NOLC1: variants seen among roughly 807,000 people sequenced by gnomAD.
NOLC1 encodes the protein 140 kDa nucleolar phosphoprotein.
Under a neutral mutation model 73.4 loss-of-function variants are expected in NOLC1, and 37 were observed. The observed-to-expected ratio is 0.50, with a 90% CI of 0.39 to 0.66. The LOEUF is 0.66. Ranked by LOEUF, NOLC1 falls within the 30% of genes least tolerant of loss-of-function variation. The probability of loss-of-function intolerance (pLI) is 0.00; values close to 1 mark genes in which losing one functional copy is unlikely to be tolerated. For synonymous variants in NOLC1, 327 were observed against 302.6 expected (o/e 1.08, Z -0.84); for missense variants, 921 against 838.9 (o/e 1.10, Z -1.21).
chr10:102,161,089 A>T lies in NOLC1; in HGVS notation c.1737A>T (p.Lys579Asn). Residue 579 changes from lysine to asparagine, a missense_variant, in exon 10 of 13, where the codon AAA (lysine) becomes AAT (asparagine). Transcript: ENST00000605788. ...AAAAGGCGGCAGTGGTAGTTTCCAA[A>T]TCAGGTCTGTACCCAATGAACATGC... ...EKKKAAVVVS[K>N]SGSLKKRKQN... 1 of 1,605,540 alleles carries T rather than the reference A, an allele frequency of 6.2e-7. No homozygotes were observed. Among genetic ancestry groups the T allele is most frequent in the South Asian group, 1.1e-5 (1 of 90,564 alleles).
rs546242557 is a variant in NOLC1, at chr10:102,161,901, T to G, written c.1917T>G (p.Val639=). ...AGGAAATTGAGGTGGATTCACGAGT[T>G]GCGGACAACTCCTTTGATGCCAAGG... is the stretch of plus-strand genomic sequence containing the variant. ...REEEIEVDSR[V]ADNSFDAKRG... The change falls in exon 12 of 13, where the codon GTT becomes GTG. Residue 639 remains valine (V), a synonymous_variant. Coordinates refer to ENST00000605788, the MANE Select transcript of NOLC1 (RefSeq NM_004741.5). 6 of 1,614,124 alleles carry G rather than the reference T, an allele frequency of 3.7e-6. 1 individual carries two copies. In the South Asian group the frequency reaches 6.6e-5, roughly 18 times the overall value.
In NOLC1 at chr10:102,162,424, T is replaced by C; in HGVS notation, c.*155T>C. On this transcript the variant is annotated 3_prime_UTR_variant, in exon 13 of 13. Transcript: ENST00000605788. ...CTTTACAGTGTAACATCCTCTCTGG[T>C]CCTTTTCTGTGTTCCTAGTTTTGTA... 1 of 648,380 alleles carries C rather than the reference T, an allele frequency of 1.5e-6. No homozygotes were observed. The highest frequency in any genetic ancestry group is 2.8e-5 in the East Asian group (1 of 35,388). The allele number at this position is 648,380 out of a possible 1,614,324, so 40.2% of individuals were successfully genotyped here. A position where few individuals can be genotyped will look rare whatever the true frequency, so the allele number is the denominator to read the frequency against.
Position 102,152,557 on chromosome 10 carries a change from C to T in NOLC1, c.120+27C>T, listed in dbSNP as rs375712357. 1.7e-5 allele frequency: 27 copies of T among 1,612,484 alleles called. 1 individual carries two copies. The African/African-American group carries it at 3.1e-4, about 18-fold the overall frequency. ...TGAGTTCCGGGCTTGGGGCGGGGAC[C>T]GGGCTGAGATGACCACAAGGCTTCA... On this transcript the variant is annotated intron_variant, in intron 1 of 12. Transcript: ENST00000605788.
chr10:102,152,886 G>T (rs965119776), intron 1 of NOLC1, among the ~76,000 whole-genome samples: 2 of 152,230 alleles, frequency 1.3e-5, no homozygotes, highest in African/African-American at 2.4e-5. Context: ...GGGGCTTTTC[G>T]TTGGGTGAGG....
In NOLC1 at chr10:102,152,390, G is replaced by A. The variant is rs755302816; in HGVS notation, c.-21G>A. On this transcript the variant is annotated 5_prime_UTR_variant, in exon 1 of 13. It adds an upstream start codon to the 5' untranslated region. Coordinates refer to ENST00000605788, the MANE Select transcript of NOLC1 (RefSeq NM_004741.5). Reference sequence around the variant, plus strand: ...GAGTCGTGCTGCGTCGACAACGGTAGTGACGCGTATTGCCTGGAGGATGGC... The same window carrying A: ...GAGTCGTGCTGCGTCGACAACGGTAATGACGCGTATTGCCTGGAGGATGGC... The A allele has an allele frequency of 2.5e-6, 4 of 1,606,600 alleles. No homozygotes were observed. The highest frequency in any genetic ancestry group is 3.4e-6 in the Non-Finnish European group (4 of 1,179,984).
Position 102,162,106 on chromosome 10 carries a change from A to G in NOLC1, c.1942-5A>G. 1 of 1,613,436 alleles carries G rather than the reference A, an allele frequency of 6.2e-7. No individual in the cohort carries two copies. The highest frequency in any genetic ancestry group is 8.5e-7 in the Non-Finnish European group (1 of 1,179,872). On this transcript the variant is annotated splice_region_variant and splice_polypyrimidine_tract_variant and intron_variant, in intron 12 of 12. Coordinates refer to ENST00000605788, the MANE Select transcript of NOLC1 (RefSeq NM_004741.5). ...TCTGTGTTAATCTCCCTCTCTACTT[A>G]CCAGCGAGGTGCAGCCGGAGACTGG...
chr10:102,156,948 A>G (rs1564967926), intron 1 of NOLC1, 71 bp from the exon 2 acceptor site: 5 of 1,427,398 alleles, frequency 3.5e-6, no homozygotes, highest in Non-Finnish European at 3.9e-6. Flanking sequence ...TTATGTATGT[A>G]ACAGGCCACA....
Position 102,161,006 on chromosome 10 carries a change from C to T in NOLC1, c.1654C>T (p.Leu552=). The T allele has an allele frequency of 1.2e-6, 2 of 1,614,018 alleles. No individual in the cohort carries two copies. Among genetic ancestry groups the T allele is most frequent in the Non-Finnish European group, 1.7e-6 (2 of 1,180,004 alleles). The change falls in exon 10 of 13, where the codon CTG becomes TTG. Residue 552 remains leucine (L), a synonymous_variant. Transcript: ENST00000605788. ...QAPKANGTSA[L]TAQNGKAAKN... ...CCCCAAGGCCAATGGCACCTCTGCA[C>T]TGACTGCCCAGAATGGAAAAGCAGC...
intron 1 of NOLC1, among the ~76,000 whole-genome samples, chr10:102,153,819 C>T (rs763541102): frequency 2.0e-5 from 3 of 151,242 alleles, no homozygotes; most frequent in South Asian, 2.1e-4. Flanking sequence ...ATTACAGGCG[C>T]GTACCACCAC....
intron 1 of NOLC1, among the ~76,000 whole-genome samples, chr10:102,154,186 C>G (rs2069552717): frequency 6.6e-6 from 1 of 150,982 alleles, no homozygotes; most frequent in African/African-American, 2.4e-5. Context: ...ATTCTCCTGC[C>G]TCAGCTTCCC....
Position 102,160,306 on chromosome 10 carries a change from A to G in NOLC1, c.1062A>G (p.Pro354=). The change falls in exon 9 of 13, where the codon CCA becomes CCG. Residue 354 remains proline, a synonymous_variant. Coordinates refer to ENST00000605788, the MANE Select transcript of NOLC1 (RefSeq NM_004741.5). ...CTAAAGCAACCACTAAACCACCTCC[A>G]GCAAAGAAAGCAGCAGAGAGCTCTT... The part of the protein sequence containing the change: ...VVSKATTKPP[P]AKKAAESSSD... 6 of 1,614,246 alleles carry G rather than the reference A, an allele frequency of 3.7e-6. No individual in the cohort carries two copies. The highest frequency in any genetic ancestry group is 1.6e-4 in the Middle Eastern group (1 of 6,062).
chr10:102,161,064 A>T lies in NOLC1; in HGVS notation c.1712A>T (p.Lys571Ile), dbSNP rs2069701199. ...AGTGAGGAGGAGGAAGAAGAAAAGAAAAAGGCGGCAGTGGTAGTTTCCAAA... is the reference window on the plus strand; with the variant it reads ...AGTGAGGAGGAGGAAGAAGAAAAGATAAAGGCGGCAGTGGTAGTTTCCAAA... ...KNSEEEEEEKKKAAVVVSKSG... is the reference protein window; with the variant it reads ...KNSEEEEEEKIKAAVVVSKSG... The change falls in exon 10 of 13, where the codon AAA (lysine) becomes ATA (isoleucine). Residue 571 changes from lysine to isoleucine, a missense_variant. By Grantham distance (102) the Lys-to-Ile change is moderately radical. Coordinates refer to ENST00000605788, the MANE Select transcript of NOLC1 (RefSeq NM_004741.5). The T allele has an allele frequency of 6.2e-7, 1 of 1,609,974 alleles. No individual in the cohort carries two copies. The highest frequency in any genetic ancestry group is 8.5e-7 in the Non-Finnish European group (1 of 1,179,232).
chr10:102,153,211 A>G (rs886137557), intron 1 of NOLC1, among the ~76,000 whole-genome samples: 3 of 152,208 alleles, frequency 2.0e-5, no homozygotes, highest in Admixed American at 6.5e-5. Flanking sequence ...GGATGTCATC[A>G]TCCACTTTAT....
Position 102,160,244 on chromosome 10 carries a change from G to A in NOLC1, c.1000G>A (p.Glu334Lys). The change falls in exon 9 of 13, where the codon GAA becomes AAA. Residue 334 changes from glutamate (E) to lysine (K), a missense_variant. Glu to Lys is a moderately conservative substitution (Grantham distance 56). Transcript: ENST00000605788. ...CAGGTTCTCCTCAGATTCAAGTTCT[G>A]AAGAAGAGAAGAAACCCCCAACTAA... Reference protein sequence around the residue: ...DSSDESDSSSEEEKKPPTKAV... With the variant: ...DSSDESDSSSKEEKKPPTKAV... 1 of 1,613,896 alleles carries A rather than the reference G, an allele frequency of 6.2e-7. No homozygotes were observed. The highest frequency in any genetic ancestry group is 8.5e-7 in the Non-Finnish European group (1 of 1,179,748).
chr10:102,152,660 A>C, intron 1 of NOLC1, 130 bp downstream of exon 1: 1 of 1,317,802 alleles, frequency 7.6e-7, no homozygotes, highest in Non-Finnish European at 1.0e-6. Flanking sequence ...CTTTACGCCG[A>C]CCCCTCGGCA....
intron 1 of NOLC1, among the ~76,000 whole-genome samples, chr10:102,155,501 C>T (rs1173276622): frequency 6.7e-6 from 1 of 150,128 alleles, no homozygotes; most frequent in Admixed American, 6.6e-5. Context: ...AGCGTACCTG[C>T]GCCCGGCCTG....
chr10:102,160,452 A>G lies in NOLC1; in HGVS notation c.1100A>G (p.Asp367Gly). 2 of 1,613,006 alleles carry G rather than the reference A, an allele frequency of 1.2e-6. No homozygotes were observed. The highest frequency in any genetic ancestry group is 1.7e-6 in the Non-Finnish European group (2 of 1,179,552). Reference protein sequence around the residue: ...KAAESSSDSSDSDSSEDDEAP... With the variant: ...KAAESSSDSSGSDSSEDDEAP... ...TTGATTCCATCCCTTCTGTGTCTAGACTCTGACAGCTCTGAGGATGATGAA... is the reference window on the plus strand; with the variant it reads ...TTGATTCCATCCCTTCTGTGTCTAGGCTCTGACAGCTCTGAGGATGATGAA... The change falls in exon 10 of 13, where the codon GAC (aspartate) becomes GGC (glycine). Residue 367 changes from aspartate to glycine, a missense_variant and splice_region_variant. Asp to Gly is a moderately conservative substitution (Grantham distance 94, BLOSUM62 -1). Coordinates refer to ENST00000605788, the MANE Select transcript of NOLC1 (RefSeq NM_004741.5).
chr10:102,153,386 T>C (rs901045980), intron 1 of NOLC1, among the ~76,000 whole-genome samples: 1 of 152,206 alleles, frequency 6.6e-6, no homozygotes, highest in Non-Finnish European at 1.5e-5. Flanking sequence ...GTTTGTAATC[T>C]ACATCAACGG....
chr10:102,161,799 T>C (rs1480126387), intron 11 of NOLC1, 34 bp from the exon 12 acceptor site: 1 of 1,601,444 alleles, frequency 6.2e-7, no homozygotes, highest in Admixed American at 1.7e-5. Flanking sequence ...ACATGACCAC[T>C]CTGTCTTTAA....
Sources: gnomAD v4.1 joint callset for allele counts (sites outside exome capture counted in the v4.1 genomes callset) on GRCh38, gnomAD v4.1.1 for gene constraint, MANE v1.5 for transcripts, NCBI Gene and HGNC (gene_info 2026-07-23, HGNC 2026-07-21) for gene names.